Variants in KRABD3 observed in about 807,000 individuals in gnomAD.
The protein encoded by KRABD3 is KRAB domain containing 3.
At chr7:149,724,873 TG>T in the KRABD3 span, 1 of 1,527,648 alleles carries the variant, frequency 6.5e-7, no homozygotes. Flanking sequence ...TTGGCTGCTC[TG>T]GTGGTCTTCC....
chr7:149,715,360 C>T, the KRABD3 span: 1 of 1,181,310 alleles, frequency 8.5e-7, no homozygotes, highest in African/African-American at 1.6e-5. Context: ...GTGAGTAAAT[C>T]TCATACTTCT....
the KRABD3 span, among the ~76,000 whole-genome samples, chr7:149,715,744 ACT>A: frequency 6.6e-6 from 1 of 152,242 alleles, no homozygotes; most frequent in East Asian, 1.9e-4. Context: ...CAGAGCAAAC[ACT>A]GTGCCAGGCC....
At chr7:149,734,029 G>A in the KRABD3 span, 197 of 1,606,570 alleles carry the variant, frequency 1.2e-4, no homozygotes, top group Non-Finnish European at 1.6e-4. Flanking sequence ...ACAGGGACCC[G>A]AGATGGGGGG....
the KRABD3 span, chr7:149,733,096 C>A: frequency 7.7e-7 from 1 of 1,292,776 alleles, no homozygotes; most frequent in Non-Finnish European, 1.1e-6. Flanking sequence ...TTTCTGGAAG[C>A]TGGGCCTTGG....
At chr7:149,733,372 C>G in the KRABD3 span, 1 of 1,612,014 alleles carries the variant, frequency 6.2e-7, no homozygotes, top group Non-Finnish European at 8.5e-7. Context: ...TGCACAGCCT[C>G]GGTGCTGCCC....
the KRABD3 span, among the ~76,000 whole-genome samples, chr7:149,717,856 G>A: frequency 6.6e-6 from 1 of 152,194 alleles, no homozygotes; most frequent in South Asian, 2.1e-4. Flanking sequence ...AACAGGGGCT[G>A]GAGTACAATG....
At chr7:149,719,784 G>T in the KRABD3 span, 1 of 1,335,108 alleles carries the variant, frequency 7.5e-7, no homozygotes. This position sits in a 1 kb window ranked among gnomAD's most constrained non-coding sequence, Gnocchi z 5.6. Flanking sequence ...AATGAACACG[G>T]GGATCGTTCA....
chr7:149,721,501 T>A, the KRABD3 span: 2 of 1,612,392 alleles, frequency 1.2e-6, no homozygotes, highest in Non-Finnish European at 8.5e-7. Flanking sequence ...GTGGCCCAAC[T>A]GGTGACGGGG....
chr7:149,728,776 T>A, the KRABD3 span: 3 of 1,341,014 alleles, frequency 2.2e-6, no homozygotes, highest in Admixed American at 7.3e-5. Context: ...GCCAACATGG[T>A]GCTCTGGAAA....
At chr7:149,729,316 G>T in the KRABD3 span, 1 of 1,599,842 alleles carries the variant, frequency 6.3e-7, no homozygotes. Context: ...CCACCAGCGG[G>T]GGTTCAAAGA....
the KRABD3 span, among the ~76,000 whole-genome samples, chr7:149,720,599 C>T: frequency 6.6e-6 from 1 of 152,216 alleles, no homozygotes; most frequent in African/African-American, 2.4e-5. Context: ...TAATGAGTAA[C>T]GTAGAACAGA....
the KRABD3 span, chr7:149,730,001 G>T: frequency 7.6e-7 from 1 of 1,317,806 alleles, no homozygotes; most frequent in South Asian, 2.4e-5. Context: ...TCTCTGGCAA[G>T]AGAGGCAGCC....
the KRABD3 span, chr7:149,728,783 GAA>G: frequency 8.0e-7 from 1 of 1,253,466 alleles, no homozygotes. Context: ...TGGTGCTCTG[GAA>G]ACAGACCTGG....
At chr7:149,717,848 CAG>C in the KRABD3 span, among the ~76,000 whole-genome samples, 3,429 of 152,300 alleles carry the variant, frequency 0.023, 110 homozygotes, top group African/African-American at 0.076. Context: ...TTTCTTGAAA[CAG>C]GGGCTGGAGT....
the KRABD3 span, chr7:149,729,129 T>C: frequency 1.5e-6 from 2 of 1,335,620 alleles, no homozygotes; most frequent in Non-Finnish European, 2.0e-6. Flanking sequence ...TGTCCCTTCT[T>C]CTGTGGCAGC....
At chr7:149,717,749 G>C in the KRABD3 span, among the ~76,000 whole-genome samples, 31 of 152,234 alleles carry the variant, frequency 2.0e-4, 1 homozygote, top group African/African-American at 7.2e-4. Context: ...CATGGGACAA[G>C]TTATCAGCTG....
At chr7:149,722,358 T>C in the KRABD3 span, 12 of 1,559,366 alleles carry the variant, frequency 7.7e-6, no homozygotes, top group Non-Finnish European at 1.0e-5. Flanking sequence ...GAACCAGATC[T>C]GGTGTGATTT....
the KRABD3 span, chr7:149,723,741 C>G: frequency 3.2e-5 from 51 of 1,612,440 alleles, no homozygotes; most frequent in Non-Finnish European, 1.4e-5. Context: ...TAGTGAAGAC[C>G]GAGGCGGTTT....
the KRABD3 span, chr7:149,724,038 T>G: frequency 1.2e-6 from 1 of 817,202 alleles, no homozygotes; most frequent in Admixed American, 2.8e-5. Context: ...ATCCCCACTG[T>G]GTAAGTGGAG....
Sources: gnomAD v4.1 joint callset for allele counts (sites outside exome capture counted in the v4.1 genomes callset) on GRCh38, gnomAD v4.1.1 for gene constraint, Gnocchi (gnomAD v3.1) non-coding constraint, MANE v1.5 for transcripts, NCBI Gene and HGNC (gene_info 2026-07-23, HGNC 2026-07-21) for gene names.